MRTFB: variants seen among roughly 807,000 people sequenced by gnomAD.
MRTFB encodes myocardin-related transcription factor B.
In MRTFB, 29 loss-of-function variants were observed where a neutral mutation model predicts 104.2. The ratio of observed to expected loss-of-function variants is 0.28; its 90% CI spans 0.21 to 0.38. The LOEUF (loss-of-function observed/expected upper bound fraction) is 0.38. MRTFB is among the 10% of genes least tolerant of loss of function. The pLI is 1.00. For synonymous variants in MRTFB, 535 were observed against 519.5 expected (o/e 1.03, Z -0.41); for missense variants, 1,270 against 1,341.6 (o/e 0.95, Z 0.83).
At chr16:14,149,009 C>A (rs1414095039) in intron 3 of MRTFB, among the ~76,000 whole-genome samples, 1 of 152,134 alleles carries the variant, frequency 6.6e-6, no homozygotes, top group Non-Finnish European at 1.5e-5. Context: ...TACTTGCCAG[C>A]TCTCTCAATT....
chr16:14,144,475 T>C (rs946612288), intron 3 of MRTFB: 1 of 152,128 alleles, frequency 6.6e-6, no homozygotes. Flanking sequence ...GTTTAAGAGA[T>C]CTATTGCAAA....
intron 3 of MRTFB, 197 bp downstream of exon 3, chr16:14,140,957 TAA>T: frequency 1.8e-6 from 1 of 563,572 alleles, no homozygotes; most frequent in Middle Eastern, 3.6e-4. Flanking sequence ...ATTTTCCCAG[TAA>T]GTATCTTTGG....
chr16:14,238,480 A>G (rs1469591869), intron 9 of MRTFB, among the ~76,000 whole-genome samples: 3 of 152,266 alleles, frequency 2.0e-5, no homozygotes, highest in South Asian at 2.1e-4. Context: ...TGAATTGACA[A>G]AATACGTGGT....
At chr16:14,125,271 G>A (rs1046936976) in intron 2 of MRTFB, among the ~76,000 whole-genome samples, 2 of 152,220 alleles carry the variant, frequency 1.3e-5, no homozygotes, top group Non-Finnish European at 2.9e-5. Context: ...GGCCACCTCG[G>A]CAAGGGTGTG....
In MRTFB at chr16:14,185,307, C is replaced by T. The variant is rs533063345; in HGVS notation, c.155-24936C>T. Among the ~76,000 whole-genome samples, 56 of 152,242 alleles carry T rather than the reference C, an allele frequency of 3.7e-4. 1 individual carries two copies. Among genetic ancestry groups the T allele is most frequent in the African/African-American group, 1.3e-3 (53 of 41,542 alleles). ...GGTTTAGTGCACACCAGCCTTGGAA[C>T]CAGGCACAAAGGACAGAATACTTCA... On this transcript the variant is annotated intron_variant, in intron 3 of 16. Transcript: ENST00000571589.
In MRTFB at chr16:14,200,208, G is replaced by C. The variant is rs561642202; in HGVS notation, c.155-10035G>C. 37 of 1,125,990 alleles carry C rather than the reference G, an allele frequency of 3.3e-5. No individual in the cohort carries two copies. In the African/African-American group the frequency reaches 5.3e-4, roughly 16 times the overall value. The allele number at this position is 1,125,990 out of a possible 1,614,324, so 69.7% of individuals were successfully genotyped here. A position where few individuals can be genotyped will look rare whatever the true frequency, so the allele number is the denominator to read the frequency against. ...ATTCATTATAGCATTATTTGTAATA[G>C]CAAAAAACCTGGTAGCTTAAGTATA... is the stretch of plus-strand genomic sequence containing the variant. On this transcript the variant is annotated intron_variant, in intron 3 of 16. Coordinates refer to ENST00000571589, the MANE Select transcript of MRTFB (RefSeq NM_001308142.2).
At chr16:14,158,231 C>A (rs920996261) in intron 3 of MRTFB, among the ~76,000 whole-genome samples, 10 of 152,192 alleles carry the variant, frequency 6.6e-5, no homozygotes, top group African/African-American at 2.4e-4. Context: ...ACAAACAAGG[C>A]ACTGTGTTAG....
rs550021337 is a variant in MRTFB, at chr16:14,264,669, A to C, written c.*3225A>C. On this transcript the variant is annotated 3_prime_UTR_variant, in exon 17 of 17. Transcript: ENST00000571589. ...CATGGTTCTGTGATCCATGTAACTG[A>C]CACTTTTTGGCTTTCAGTGCTGTTT... The C allele has an allele frequency of 2.0e-4, 30 of 152,282 alleles. No individual in the cohort carries two copies. The highest frequency in any genetic ancestry group is 3.1e-4 in the Non-Finnish European group (21 of 68,020). The allele number at this position is 152,282 out of a possible 1,614,324, so 9.4% of individuals were successfully genotyped here. A position where few individuals can be genotyped will look rare whatever the true frequency, so the allele number is the denominator to read the frequency against.
chr16:14,242,570 C>G (rs1277987070), intron 10 of MRTFB, among the ~76,000 whole-genome samples: 1 of 152,060 alleles, frequency 6.6e-6, no homozygotes, highest in Non-Finnish European at 1.5e-5. Context: ...TGGGAGTTTA[C>G]CTGAATCATG....
chr16:14,162,959 C>T (rs528849703), intron 3 of MRTFB, among the ~76,000 whole-genome samples: 1 of 152,288 alleles, frequency 6.6e-6, no homozygotes, highest in South Asian at 2.1e-4. Flanking sequence ...CCTTCTGCTT[C>T]TCCCAGTTCT....
intron 3 of MRTFB, among the ~76,000 whole-genome samples, chr16:14,196,964 CT>C (rs35259229): frequency 3.6e-3 from 370 of 103,184 alleles, no homozygotes; most frequent in Non-Finnish European, 5.6e-3. Flanking sequence ...TCTCTTTTTT[CT>C]TTTTTTTTTT....
chr16:14,190,134 C>T (rs1304543499), intron 3 of MRTFB, among the ~76,000 whole-genome samples: 1 of 152,102 alleles, frequency 6.6e-6, no homozygotes, highest in African/African-American at 2.4e-5. Context: ...TTGATAGACA[C>T]CAGCCAGTAT....
At chr16:14,119,393 T>C (rs2036719625) in intron 2 of MRTFB, among the ~76,000 whole-genome samples, 1 of 152,234 alleles carries the variant, frequency 6.6e-6, no homozygotes. Context: ...TATAGTTTCT[T>C]ATGTATAGAG....
intron 3 of MRTFB, among the ~76,000 whole-genome samples, chr16:14,169,207 T>C (rs1331675934): frequency 6.6e-6 from 1 of 152,206 alleles, no homozygotes; most frequent in East Asian, 1.9e-4. Context: ...TTCAGATATC[T>C]GTACACATCT....
the MRTFB span, among the ~76,000 whole-genome samples, chr16:14,058,459 T>A: frequency 2.0e-5 from 3 of 151,740 alleles, no homozygotes; most frequent in African/African-American, 7.2e-5. Flanking sequence ...CCCAAGTTTG[T>A]TGTACACATC....
intron 5 of MRTFB, 59 bp from the exon 6 acceptor site, chr16:14,213,486 C>T (rs1320478014): frequency 4.1e-6 from 5 of 1,218,178 alleles, no homozygotes; most frequent in Non-Finnish European, 5.8e-6. Context: ...CCTTAAAGAA[C>T]ATTTAAAACC....
At chr16:14,188,324 T>G (rs1262236615) in intron 3 of MRTFB, among the ~76,000 whole-genome samples, 1 of 152,160 alleles carries the variant, frequency 6.6e-6, no homozygotes, top group Non-Finnish European at 1.5e-5. Flanking sequence ...TATCTATCAT[T>G]TAAGTCAAGT....
Position 14,249,187 on chromosome 16 carries a change from C to T in MRTFB, c.2403+106C>T. ...ACGCCCTGGGAAGTTCCTGTTCATTCTTTTCTGTGATCCATCTCCCATAGA... is the reference window on the plus strand; with the variant it reads ...ACGCCCTGGGAAGTTCCTGTTCATTTTTTTCTGTGATCCATCTCCCATAGA... On this transcript the variant is annotated intron_variant, in intron 13 of 16. Coordinates refer to ENST00000571589, the MANE Select transcript of MRTFB (RefSeq NM_001308142.2). 2 of 1,312,696 alleles carry T rather than the reference C, an allele frequency of 1.5e-6. 1 individual carries two copies. The highest frequency in any genetic ancestry group is 5.1e-5 in the East Asian group (2 of 39,330). 81.3% of individuals were successfully genotyped at this position (1,312,696 alleles called of 1,614,324 possible).
chr16:14,213,785 C>G (rs1409100489), intron 6 of MRTFB, among the ~76,000 whole-genome samples, 165 bp downstream of exon 6: 1 of 152,102 alleles, frequency 6.6e-6, no homozygotes, highest in Admixed American at 6.6e-5. Flanking sequence ...ATGTTAGATA[C>G]ACAGGGAAGG....
Sources: gnomAD v4.1 joint callset for allele counts (sites outside exome capture counted in the v4.1 genomes callset) on GRCh38, gnomAD v4.1.1 for gene constraint, MANE v1.5 for transcripts, NCBI Gene and HGNC (gene_info 2026-07-23, HGNC 2026-07-21) for gene names.